Variants in ACBD5 observed in about 807,000 individuals in gnomAD.
The protein encoded by ACBD5 is acyl-CoA binding domain containing 5, also known as acyl-CoA-binding domain-containing protein 5.
In ACBD5, 40 loss-of-function variants were observed where a neutral mutation model predicts 71.8. The ratio of observed to expected loss-of-function variants is 0.56; its 90% CI spans 0.43 to 0.72. The LOEUF (loss-of-function observed/expected upper bound fraction) is 0.72, where lower values mean the gene tolerates loss of function less well. Ranked by LOEUF, ACBD5 falls within the 30% of genes least tolerant of loss-of-function variation. The probability of loss-of-function intolerance (pLI) is 0.00; values close to 1 mark genes in which losing one functional copy is unlikely to be tolerated. For missense variants in ACBD5, 559 were observed against 644.5 expected, an observed-to-expected ratio of 0.87 and a Z score of 1.44; for synonymous variants, 229 against 218.6, an observed-to-expected ratio of 1.05 and a Z score of -0.42.
chr10:27,206,811 C>T (rs12772875), intron 10 of ACBD5, among the ~76,000 whole-genome samples: 27,512 of 151,676 alleles, frequency 0.18, 3,012 homozygotes, highest in East Asian at 0.29. Flanking sequence ...TCACCGCGCC[C>T]GGTCATAAGG....
chr10:27,216,904 T>G (rs2061691746), intron 7 of ACBD5, among the ~76,000 whole-genome samples: 1 of 151,940 alleles, frequency 6.6e-6, no homozygotes, highest in Non-Finnish European at 1.5e-5. Flanking sequence ...CTCAGCACTT[T>G]GGGAGGCAGA....
chr10:27,195,815 A>C lies in ACBD5; in HGVS notation c.*1615T>G, dbSNP rs193052114. 1.4e-3 allele frequency: 598 copies of C among 431,798 alleles called. 2 individuals carry two copies. The highest frequency in any genetic ancestry group is 0.011 in the African/African-American group (542 of 49,046). 26.7% of individuals were successfully genotyped at this position (431,798 alleles called of 1,614,324 possible). A position where few individuals can be genotyped will look rare whatever the true frequency, so the allele number is the denominator to read the frequency against. On this transcript the variant is annotated 3_prime_UTR_variant, in exon 13 of 13. Coordinates refer to ENST00000396271, the MANE Select transcript of ACBD5 (RefSeq NM_145698.5). ...ATACTTTTCAGGCAAACAAAGAACC[A>C]TTCTGTATACTAAAGACAGATTATT...
intron 7 of ACBD5, among the ~76,000 whole-genome samples, chr10:27,216,966 G>T (rs1195922174): frequency 9.9e-5 from 15 of 151,910 alleles, no homozygotes; most frequent in Admixed American, 2.0e-4. Flanking sequence ...CTAACACGGT[G>T]AAACCCCGTC....
chr10:27,218,032 G>A lies in ACBD5; in HGVS notation c.777C>T (p.Pro259=), dbSNP rs34037342. 0.039 allele frequency: 63,286 copies of A among 1,614,036 alleles called. 2,313 individuals carry two copies. Among genetic ancestry groups the A allele is most frequent in the African/African-American group, 0.17 (12,850 of 74,996 alleles). Reference sequence around the variant, plus strand: ...CAGTTTGCCCCAAGTTTTCATCAATGGGCTTTACTTCTTCAGTGCTTCTGC... The same window carrying A: ...CAGTTTGCCCCAAGTTTTCATCAATAGGCTTTACTTCTTCAGTGCTTCTGC... ...LNGRSTEEVK[P]IDENLGQTGK... is the part of the protein sequence containing the mutation. Residue 259 remains proline (P), a synonymous_variant, in exon 7 of 13, where the codon CCC becomes CCT. Coordinates refer to ENST00000396271, the MANE Select transcript of ACBD5 (RefSeq NM_145698.5).
downstream of ACBD5, among the ~76,000 whole-genome samples, chr10:27,190,792 C>G (rs2059046365): frequency 6.6e-6 from 1 of 152,154 alleles, no homozygotes; most frequent in Non-Finnish European, 1.5e-5. Context: ...ACCAGCCCAC[C>G]TGGATTCAAG....
At position 27,217,925 on chromosome 10, in the gene ACBD5, C is replaced by T. The variant is rs1775355; in HGVS notation, c.829+55G>A. 1 allele frequency: 1,476,539 copies of T among 1,478,384 alleles called. 737,368 individuals carry two copies. Among genetic ancestry groups the T allele is most frequent in the East Asian group, 1 (44,002 of 44,002 alleles). The allele number at this position is 1,478,384 out of a possible 1,614,324, so 91.6% of individuals were successfully genotyped here. On this transcript the variant is annotated intron_variant, in intron 7 of 12. Coordinates refer to ENST00000396271, the MANE Select transcript of ACBD5 (RefSeq NM_145698.5). ...ACTGATCCTAAAGATCCTATAATTACTAAAAGACTATTCATAGGAAAGAGG... is the reference window on the plus strand; with the variant it reads ...ACTGATCCTAAAGATCCTATAATTATTAAAAGACTATTCATAGGAAAGAGG...
At chr10:27,226,612 C>T (rs1262990390) in intron 4 of ACBD5, among the ~76,000 whole-genome samples, 2 of 151,222 alleles carry the variant, frequency 1.3e-5, no homozygotes, top group Non-Finnish European at 1.5e-5. Flanking sequence ...GCTTTAAATA[C>T]CCAACACAAA....
At position 27,204,795 on chromosome 10, in the gene ACBD5, T is replaced by C. The variant is rs560324180; in HGVS notation, c.1456-246A>G. Among the ~76,000 whole-genome samples, 5 of 152,348 alleles carry C rather than the reference T, an allele frequency of 3.3e-5. No individual in the cohort carries two copies. In the East Asian group the frequency reaches 9.6e-4, roughly 29 times the overall value. On this transcript the variant is annotated intron_variant, in intron 11 of 12. Coordinates refer to ENST00000396271, the MANE Select transcript of ACBD5 (RefSeq NM_145698.5). ...CTGCAAAGGTAGATTTCATTTGGAA[T>C]GATTTAAAGATTTTGTATATTCTAA...
At position 27,230,606 on chromosome 10, in the gene ACBD5, G is replaced by A. The variant is rs201817752; in HGVS notation, c.375+1142C>T. 3.3e-5 allele frequency among the ~76,000 whole-genome samples: 5 copies of A among 152,130 alleles called. No homozygotes were observed. In the East Asian group the frequency reaches 9.7e-4, roughly 29 times the overall value. ...GAGGTCCGGAATTTGAGACCAGCCT[G>A]GCCAACATCGTGAAATCCCGTCTGC... On this transcript the variant is annotated intron_variant, in intron 4 of 12. Coordinates refer to ENST00000396271, the MANE Select transcript of ACBD5 (RefSeq NM_145698.5).
In ACBD5 at chr10:27,196,022, G is replaced by A. The variant is rs749215072; in HGVS notation, c.*1408C>T. The A allele has an allele frequency of 4.9e-6, 2 of 411,112 alleles. No homozygotes were observed. Among genetic ancestry groups the A allele is most frequent in the African/African-American group, 4.2e-5 (2 of 47,924 alleles). 25.5% of individuals were successfully genotyped at this position (411,112 alleles called of 1,614,324 possible). On this transcript the variant is annotated 3_prime_UTR_variant, in exon 13 of 13. Transcript: ENST00000396271. ...GTTTGAGATCAGCCTTACCAACATG[G>A]AGAAACCCCGTCTCTACTAAAAATA...
intron 4 of ACBD5, among the ~76,000 whole-genome samples, chr10:27,225,082 T>C (rs1160170406): frequency 6.6e-6 from 1 of 150,482 alleles, no homozygotes; most frequent in Non-Finnish European, 1.5e-5. Context: ...TCTTTCTTTT[T>C]TTTTTTTTTT....
At chr10:27,216,360 C>T (rs149489354) in intron 7 of ACBD5, among the ~76,000 whole-genome samples, 3,060 of 152,252 alleles carry the variant, frequency 0.02, 85 homozygotes, top group African/African-American at 0.066. Flanking sequence ...AGGCTGGTCT[C>T]GAACTTCTGA....
intron 9 of ACBD5, among the ~76,000 whole-genome samples, chr10:27,210,251 C>T (rs1346394709): frequency 1.3e-5 from 2 of 152,322 alleles, no homozygotes; most frequent in East Asian, 3.9e-4. Flanking sequence ...TGGACCTCCA[C>T]TGCAGCAGAA....
chr10:27,194,747 C>T (rs891876510), downstream of ACBD5, among the ~76,000 whole-genome samples: 1 of 152,012 alleles, frequency 6.6e-6, no homozygotes, highest in Non-Finnish European at 1.5e-5. Context: ...CCTGTCATCC[C>T]AGCACTTTGG....
chr10:27,197,867 G>GTGATCTACCCACCTCAGC (rs1376857410), intron 12 of ACBD5, among the ~76,000 whole-genome samples: 1 of 152,094 alleles, frequency 6.6e-6, no homozygotes, highest in East Asian at 1.9e-4. Flanking sequence ...CTGACCTCAG[G>GTGATCTACCCACCTCAGC]TGATCTACCC....
At chr10:27,225,542 T>G (rs56352097) in intron 4 of ACBD5, among the ~76,000 whole-genome samples, 11,868 of 152,280 alleles carry the variant, frequency 0.078, 674 homozygotes, top group South Asian at 0.18. Flanking sequence ...CTCCTCTGAA[T>G]GTACTGTGAA....
chr10:27,222,804 C>A (rs2062526926), intron 5 of ACBD5, among the ~76,000 whole-genome samples: 1 of 152,262 alleles, frequency 6.6e-6, no homozygotes, highest in Non-Finnish European at 1.5e-5. Context: ...CTCCTGACCT[C>A]AAGGTGATCT....
rs1400823184 is a variant in ACBD5, at chr10:27,195,973, C to G, written c.*1457G>C. The G allele has an allele frequency of 2.1e-5, 9 of 432,344 alleles. No homozygotes were observed. The highest frequency in any genetic ancestry group is 1.2e-4 in the South Asian group (7 of 59,528). The allele number at this position is 432,344 out of a possible 1,614,324, so 26.8% of individuals were successfully genotyped here. A position where few individuals can be genotyped will look rare whatever the true frequency, so the allele number is the denominator to read the frequency against. On this transcript the variant is annotated 3_prime_UTR_variant, in exon 13 of 13. Coordinates refer to ENST00000396271, the MANE Select transcript of ACBD5 (RefSeq NM_145698.5). ...ATCCCAGCACTTTGGGAGGCCGAGGCAGGCAGATCACCTGAGGTTGGGAGT... is the reference window on the plus strand; with the variant it reads ...ATCCCAGCACTTTGGGAGGCCGAGGGAGGCAGATCACCTGAGGTTGGGAGT...
At chr10:27,238,703 A>T (rs2138523790) in intron 2 of ACBD5, among the ~76,000 whole-genome samples, 1 of 152,334 alleles carries the variant, frequency 6.6e-6, no homozygotes, top group African/African-American at 2.4e-5. Flanking sequence ...GTTTTTAAAA[A>T]TTTCTGAATC....
Sources: allele counts gnomAD v4.1 joint callset (sites outside exome capture counted in the v4.1 genomes callset), GRCh38; gene constraint gnomAD v4.1.1; transcripts MANE v1.5; gene names NCBI Gene and HGNC (gene_info 2026-07-23, HGNC 2026-07-21).